The following COL24A1 variants were observed in gnomAD, a reference collection of about 807,000 sequenced individuals.
COL24A1 encodes the protein collagen type XXIV alpha 1 chain.
In COL24A1, 224 loss-of-function variants were observed where a neutral mutation model predicts 253.9. The observed-to-expected ratio is 0.88, with a 90% confidence interval of 0.79 to 0.99. The LOEUF (loss-of-function observed/expected upper bound fraction) is 0.99, where lower values mean the gene tolerates loss of function less well. Among genes scored for constraint, COL24A1 ranks in the 50% least tolerant of loss-of-function variants. The pLI is 0.00. For synonymous variants in COL24A1, 685 were observed against 673.7 expected, an observed-to-expected ratio of 1.02 and a Z score of -0.26; for missense variants, 2,131 against 2,068.5, an observed-to-expected ratio of 1.03 and a Z score of -0.59.
In COL24A1 at chr1:85,971,341, T is replaced by G; in HGVS notation, c.2417A>C (p.Gln806Pro). The change falls in exon 21 of 60, where the codon CAG becomes CCG. Residue 806 changes from glutamine to proline, a missense_variant and splice_region_variant. By Grantham distance (76) the Gln-to-Pro change is moderately conservative. Transcript: ENST00000370571. ...GACTGGATATCACTTCTTCCATACC[T>G]GAGTTCCTTTGAGACCAGGAGGTCC... ...PPGPPGLKGT[Q>P]GEEGPIGAFG... The G allele has an allele frequency of 6.2e-7, 1 of 1,612,116 alleles. No individual in the cohort carries two copies. The highest frequency in any genetic ancestry group is 1.1e-5 in the South Asian group (1 of 90,724).
chr1:85,938,715 C>T (rs1390940238), intron 24 of COL24A1, among the ~76,000 whole-genome samples: 1 of 146,192 alleles, frequency 6.8e-6, no homozygotes, highest in Non-Finnish European at 1.5e-5. Flanking sequence ...TTGTGTGGCC[C>T]AAGCTGTCAG....
At chr1:85,826,327 G>A (rs1674332633) in intron 43 of COL24A1, among the ~76,000 whole-genome samples, 2 of 147,032 alleles carry the variant, frequency 1.4e-5, no homozygotes, top group South Asian at 4.6e-4. Flanking sequence ...GGTTACTGTA[G>A]CCTTGTAGTA....
At chr1:85,989,016 C>T (rs542848481) in intron 19 of COL24A1, among the ~76,000 whole-genome samples, 17 of 152,196 alleles carry the variant, frequency 1.1e-4, no homozygotes, top group Admixed American at 9.2e-4. Context: ...ATCAGGCTCA[C>T]CTATGCTATT....
chr1:85,907,171 A>G, intron 28 of COL24A1, 23 bp downstream of exon 28: 1 of 1,600,610 alleles, frequency 6.2e-7, no homozygotes, highest in Non-Finnish European at 8.6e-7. Flanking sequence ...GGGTTAATGT[A>G]CTTTTTTCCT....
At chr1:85,988,652 G>A (rs1558912687) in intron 19 of COL24A1, among the ~76,000 whole-genome samples, 1 of 152,060 alleles carries the variant, frequency 6.6e-6, no homozygotes, top group African/African-American at 2.4e-5. Flanking sequence ...AAATTAAAAC[G>A]TGAACATCCA....
intron 19 of COL24A1, among the ~76,000 whole-genome samples, chr1:85,991,214 A>G (rs916540872): frequency 2.0e-5 from 3 of 152,162 alleles, no homozygotes; most frequent in African/African-American, 7.2e-5. Flanking sequence ...AACAGGCAGA[A>G]CTACACCATG....
At chr1:86,072,581 C>T (rs1230251874) in intron 7 of COL24A1, among the ~76,000 whole-genome samples, 3 of 152,136 alleles carry the variant, frequency 2.0e-5, no homozygotes, top group African/African-American at 7.2e-5. Context: ...AACATTCCTG[C>T]CTCCTGGCTC....
intron 19 of COL24A1, among the ~76,000 whole-genome samples, chr1:85,991,804 A>G (rs1694302285): frequency 6.6e-6 from 1 of 152,190 alleles, no homozygotes; most frequent in South Asian, 2.1e-4. Context: ...TACAAGCTGA[A>G]TATTTTAAAA....
intron 47 of COL24A1, among the ~76,000 whole-genome samples, chr1:85,799,784 A>T (rs1671240906): frequency 6.6e-6 from 1 of 152,204 alleles, no homozygotes; most frequent in Admixed American, 6.5e-5. Flanking sequence ...TCAACACATG[A>T]CATCCTAATA....
intron 57 of COL24A1, among the ~76,000 whole-genome samples, chr1:85,744,025 A>G (rs537173284): frequency 1.3e-5 from 2 of 151,126 alleles, no homozygotes; most frequent in Non-Finnish European, 3.0e-5. Context: ...CAAATCATAC[A>G]TTTTTTTTTC....
intron 12 of COL24A1, among the ~76,000 whole-genome samples, chr1:86,045,389 A>G (rs889415267): frequency 6.6e-6 from 1 of 152,204 alleles, no homozygotes; most frequent in Non-Finnish European, 1.5e-5. Flanking sequence ...TTTTATTAAT[A>G]GCATACATTG....
At chr1:85,901,725 T>C (rs150784796) in intron 28 of COL24A1, among the ~76,000 whole-genome samples, 29 of 149,942 alleles carry the variant, frequency 1.9e-4, no homozygotes, top group African/African-American at 7.1e-4. Context: ...GACAGGAGAA[T>C]TGCTTGAACC....
chr1:86,107,508 A>ATTT (rs1705101890), intron 5 of COL24A1, among the ~76,000 whole-genome samples: 5 of 145,066 alleles, frequency 3.4e-5, no homozygotes, highest in Non-Finnish European at 7.5e-5. Flanking sequence ...ACACAATGGT[A>ATTT]ATTTATTTAT....
intron 11 of COL24A1, among the ~76,000 whole-genome samples, chr1:86,048,603 G>A (rs1481109072): frequency 1.3e-5 from 2 of 151,490 alleles, no homozygotes; most frequent in Admixed American, 6.6e-5. Flanking sequence ...CCATTCTCCT[G>A]CCTCAGCCTC....
chr1:86,063,657 G>A, intron 8 of COL24A1, 58 bp downstream of exon 8: 1 of 1,241,178 alleles, frequency 8.1e-7, no homozygotes, highest in South Asian at 1.8e-5. Flanking sequence ...TCTCAAAGGA[G>A]TTCTCTAACA....
intron 28 of COL24A1, among the ~76,000 whole-genome samples, chr1:85,899,686 AT>A (rs1454005262): frequency 6.6e-6 from 1 of 152,194 alleles, no homozygotes; most frequent in Non-Finnish European, 1.5e-5. Flanking sequence ...TAGAAAATAC[AT>A]TTCATTTCTT....
intron 7 of COL24A1, among the ~76,000 whole-genome samples, chr1:86,083,312 A>ATG (rs1169429606): frequency 1.3e-5 from 2 of 151,228 alleles, no homozygotes; most frequent in Non-Finnish European, 2.9e-5. Context: ...AAATATATAT[A>ATG]TATAAATAAA....
intron 12 of COL24A1, among the ~76,000 whole-genome samples, chr1:86,045,602 G>C (rs1699841632): frequency 6.6e-6 from 1 of 152,094 alleles, no homozygotes; most frequent in Non-Finnish European, 1.5e-5. Context: ...GTGTAACAGA[G>C]TATAGTTAAA....
intron 57 of COL24A1, among the ~76,000 whole-genome samples, chr1:85,738,545 A>G (rs1265114240): frequency 1.3e-5 from 2 of 152,176 alleles, no homozygotes; most frequent in Non-Finnish European, 2.9e-5. Flanking sequence ...TTAATTCCAG[A>G]CTAATAGACT....
Sources: allele counts gnomAD v4.1 joint callset (sites outside exome capture counted in the v4.1 genomes callset), GRCh38; gene constraint gnomAD v4.1.1; transcripts MANE v1.5; gene names NCBI Gene and HGNC (gene_info 2026-07-23, HGNC 2026-07-21).